Variants in LSP1 observed in about 807,000 individuals in gnomAD.
LSP1 encodes lymphocyte-specific protein 1.
A neutral mutation model predicts 49.3 loss-of-function variants in LSP1; 32 were observed. The observed-to-expected ratio is 0.65, with a 90% confidence interval of 0.49 to 0.87. LSP1 has a LOEUF of 0.87. Among genes scored for constraint, LSP1 ranks in the 40% least tolerant of loss-of-function variants. The pLI is 0.00. For missense variants in LSP1, 428 were observed against 442.6 expected (o/e 0.97, Z 0.30); for synonymous variants, 179 against 178.8 (o/e 1.00, Z -0.01).
chr11:1,869,792 A>C lies in LSP1; in HGVS notation c.54-10295A>C, dbSNP rs1170995016. ...AGGAAAATGGGGCGCCCCACAGAGGAGGGGGCGTGGGGGGGGCTGGTTTTC... is the reference window on the plus strand; with the variant it reads ...AGGAAAATGGGGCGCCCCACAGAGGCGGGGGCGTGGGGGGGGCTGGTTTTC... On this transcript the variant is annotated intron_variant, in intron 1 of 10. Coordinates refer to ENST00000311604, the MANE Select transcript of LSP1 (RefSeq NM_002339.3). The C allele has an allele frequency of 2.1e-5, 7 of 329,998 alleles. No individual in the cohort carries two copies. The African/African-American group carries it at 2.6e-4, about 12-fold the overall frequency. 20.4% of individuals were successfully genotyped at this position (329,998 alleles called of 1,614,324 possible).
chr11:1,875,153 C>T (rs1848254439), intron 1 of LSP1, among the ~76,000 whole-genome samples: 1 of 150,290 alleles, frequency 6.7e-6, no homozygotes, highest in Non-Finnish European at 1.5e-5. Context: ...GTCTGTGTCG[C>T]CCCCAGCACT....
intron 1 of LSP1, among the ~76,000 whole-genome samples, chr11:1,857,673 C>A (rs1847523893): frequency 6.6e-6 from 1 of 152,234 alleles, no homozygotes; most frequent in South Asian, 2.1e-4. Flanking sequence ...CCGCACCCCT[C>A]TGAAGCCTCA....
chr11:1,866,743 T>A, intron 1 of LSP1: 1 of 1,550,264 alleles, frequency 6.5e-7, no homozygotes, highest in Non-Finnish European at 8.7e-7. Context: ...CTGGGGTCAA[T>A]CCCCCAGGCT....
At chr11:1,866,521 T>A in intron 1 of LSP1, 3 of 1,522,374 alleles carry the variant, frequency 2.0e-6, no homozygotes, top group Non-Finnish European at 2.7e-6. Flanking sequence ...GGCTGTCACC[T>A]GAGTTCAGGA....
intron 1 of LSP1, among the ~76,000 whole-genome samples, chr11:1,868,393 A>G (rs995601121): frequency 6.6e-6 from 1 of 152,232 alleles, no homozygotes; most frequent in African/African-American, 2.4e-5. Flanking sequence ...TCGGGCACAC[A>G]TCTGCCCACA....
Position 1,884,064 on chromosome 11 carries a change from C to A in LSP1, c.591+40C>A, listed in dbSNP as rs1430683994. On this transcript the variant is annotated intron_variant, in intron 5 of 10. Transcript: ENST00000311604. This position sits in a 1 kb window ranked among gnomAD's most constrained non-coding sequence, Gnocchi z 4.1. ...AAAGCCTGCCATCTTCTCCCCTCTC[C>A]CGTACTCATACCCAAAAGGCCAATC... is the stretch of plus-strand genomic sequence containing the variant. The A allele has an allele frequency of 6.4e-7, 1 of 1,572,524 alleles. No individual in the cohort carries two copies. The highest frequency in any genetic ancestry group is 1.8e-5 in the Admixed American group (1 of 55,378).
intron 1 of LSP1, among the ~76,000 whole-genome samples, chr11:1,874,889 T>C (rs1848242728): frequency 6.6e-6 from 1 of 152,128 alleles, no homozygotes; most frequent in Admixed American, 6.5e-5. Context: ...GGGCTGCCAC[T>C]GTGAGAAGGC....
rs1413977301 is a variant in LSP1, at chr11:1,884,531, C to T, written c.667C>T (p.Pro223Ser). 6.2e-7 allele frequency: 1 copy of T among 1,613,788 alleles called. No individual in the cohort carries two copies. Among genetic ancestry groups the T allele is most frequent in the Non-Finnish European group, 8.5e-7 (1 of 1,179,960 alleles). ...NSVKKSQPDL[P>S]ISKIDQWLEQ... ...TGTGAAGAAATCCCAGCCAGACTTGCCCATCTCCAAGATTGATCAGTGGCT... is the reference window on the plus strand; with the variant it reads ...TGTGAAGAAATCCCAGCCAGACTTGTCCATCTCCAAGATTGATCAGTGGCT... The change falls in exon 7 of 11, where the codon CCC becomes TCC. Residue 223 changes from proline to serine, a missense_variant. Physicochemically the swap from Pro to Ser is moderately conservative, Grantham distance 74. Transcript: ENST00000311604. This position sits in a 1 kb window ranked among gnomAD's most constrained non-coding sequence, Gnocchi z 4.1.
intron 1 of LSP1, among the ~76,000 whole-genome samples, chr11:1,854,726 G>A (rs564558816): frequency 6.6e-6 from 1 of 152,256 alleles, no homozygotes; most frequent in Non-Finnish European, 1.5e-5. Context: ...AGGCTTCTGG[G>A]TGCACAACAG....
chr11:1,854,270 G>A (rs114362172), intron 1 of LSP1, among the ~76,000 whole-genome samples: 2,053 of 152,250 alleles, frequency 0.013, 50 homozygotes, highest in African/African-American at 0.047. Flanking sequence ...GATGCCCGCA[G>A]CCACACAGGA....
In LSP1 at chr11:1,872,314, T is replaced by A. The variant is rs567998; in HGVS notation, c.54-7773T>A. 2.4e-5 allele frequency among the ~76,000 whole-genome samples: 2 copies of A among 83,998 alleles called. 1 individual carries two copies. Among genetic ancestry groups the A allele is most frequent in the Non-Finnish European group, 5.0e-5 (2 of 40,024 alleles). 55.1% of individuals were successfully genotyped at this position (83,998 alleles called of 152,430 possible). A position where few individuals can be genotyped will look rare whatever the true frequency, so the allele number is the denominator to read the frequency against. Reference sequence around the variant, plus strand: ...CACCTTTGGGACGGGGTCTCTGTGGTGGGCAGGCCTGGGCTGTAGTCACCC... The same window carrying A: ...CACCTTTGGGACGGGGTCTCTGTGGAGGGCAGGCCTGGGCTGTAGTCACCC... On this transcript the variant is annotated intron_variant, in intron 1 of 10. Transcript: ENST00000311604.
At chr11:1,858,721 G>A (rs1847550383) in intron 1 of LSP1, among the ~76,000 whole-genome samples, 1 of 152,212 alleles carries the variant, frequency 6.6e-6, no homozygotes, top group South Asian at 2.1e-4. Flanking sequence ...AGCCGGCCCA[G>A]CCCCCATCCC....
At position 1,871,680 on chromosome 11, in the gene LSP1, T is replaced by C. The variant is rs992741941; in HGVS notation, c.54-8407T>C. On this transcript the variant is annotated intron_variant, in intron 1 of 10. Coordinates refer to ENST00000311604, the MANE Select transcript of LSP1 (RefSeq NM_002339.3). ...TGCCGCTGCACGGGCACCCCTCCTG[T>C]TGGGTGTCTGGGTAGACTTGGGGGT... Among the ~76,000 whole-genome samples the C allele has an allele frequency of 8.6e-4, 131 of 152,316 alleles. 1 individual carries two copies. Among genetic ancestry groups the C allele is most frequent in the African/African-American group, 2.8e-3 (118 of 41,586 alleles).
chr11:1,877,015 G>A (rs1374052817), intron 1 of LSP1, among the ~76,000 whole-genome samples: 1 of 152,194 alleles, frequency 6.6e-6, no homozygotes, highest in African/African-American at 2.4e-5. Context: ...ACAGGAAATC[G>A]CCTAATTGCA....
At chr11:1,865,015 C>T in intron 1 of LSP1, 1 of 167,452 alleles carries the variant, frequency 6.0e-6, no homozygotes. Flanking sequence ...GGGCAGAGCG[C>T]CAAGGAAGTG....
intron 1 of LSP1, among the ~76,000 whole-genome samples, chr11:1,867,115 G>A (rs957237103): frequency 7.2e-5 from 11 of 152,164 alleles, no homozygotes; most frequent in African/African-American, 2.7e-4. Context: ...ACAGTGAGGA[G>A]GGGACCTCAC....
chr11:1,872,220 T>G (rs1398435307), intron 1 of LSP1, among the ~76,000 whole-genome samples: 1 of 43,538 alleles, frequency 2.3e-5, no homozygotes, highest in East Asian at 7.2e-4. Context: ...GTGTGTGTGG[T>G]GGGCAGGCCT....
At chr11:1,871,245 G>T (rs954584850) in intron 1 of LSP1, 4 of 986,650 alleles carry the variant, frequency 4.1e-6, no homozygotes, top group Non-Finnish European at 3.6e-6. Flanking sequence ...AGGCAGAGCC[G>T]CAGCCACGCC....
chr11:1,889,402 A>T (rs1442851076), intron 10 of LSP1: 1 of 692,040 alleles, frequency 1.4e-6, no homozygotes, highest in East Asian at 2.7e-5. Context: ...GAGGTCCGGG[A>T]GGCGGGGGCC....
Sources: gnomAD v4.1 joint callset for allele counts (sites outside exome capture counted in the v4.1 genomes callset) on GRCh38, gnomAD v4.1.1 for gene constraint, Gnocchi (gnomAD v3.1) non-coding constraint, MANE v1.5 for transcripts, NCBI Gene and HGNC (gene_info 2026-07-23, HGNC 2026-07-21) for gene names.